Variants in GBE1 observed in about 807,000 individuals in gnomAD.
The protein encoded by GBE1 is 1,4-alpha-glucan branching enzyme 1.
Under a neutral mutation model 88.8 loss-of-function variants are expected in GBE1, and 70 were observed. The observed-to-expected ratio is 0.79, with a 90% CI of 0.65 to 0.96. The LOEUF is 0.96. Among genes scored for constraint, GBE1 ranks in the 40% least tolerant of loss-of-function variants. The pLI, the probability that GBE1 is intolerant of heterozygous loss-of-function variation, is 0.00. For synonymous variants in GBE1, 284 were observed against 300.1 expected, an observed-to-expected ratio of 0.95 and a Z score of 0.56; for missense variants, 872 against 871.0, an observed-to-expected ratio of 1.00 and a Z score of -0.01.
At chr3:81,621,924 T>C (rs1285066520) in intron 7 of GBE1, among the ~76,000 whole-genome samples, 1 of 152,142 alleles carries the variant, frequency 6.6e-6, no homozygotes, top group East Asian at 1.9e-4. Flanking sequence ...TCTACCTCTT[T>C]CCCTGCAAAA....
chr3:81,683,852 G>A (rs1328842605), intron 2 of GBE1, among the ~76,000 whole-genome samples: 1 of 152,088 alleles, frequency 6.6e-6, no homozygotes, highest in African/African-American at 2.4e-5. Flanking sequence ...TGAGGAAGGA[G>A]AGCTGTGAAC....
intron 14 of GBE1, among the ~76,000 whole-genome samples, chr3:81,524,126 A>T (rs2106850758): frequency 6.6e-6 from 1 of 151,934 alleles, no homozygotes; most frequent in Non-Finnish European, 1.5e-5. Context: ...ACAGTGTATG[A>T]GGGTTCTACT....
rs922644582 is a variant in GBE1 at position 81,619,889 on chromosome 3, C to T, written c.992+22892G>A. 6.6e-4 allele frequency among the ~76,000 whole-genome samples: 101 copies of T among 151,952 alleles called. 1 individual carries two copies. The highest frequency in any genetic ancestry group is 2.1e-4 in the Non-Finnish European group (14 of 67,936). ...ATTTAAAATGAAGTTTTTCTTTTTA[C>T]CTTTTTTTGTAGATCTCTTAGAGTA... On this transcript the variant is annotated intron_variant, in intron 7 of 15. Transcript: ENST00000429644.
chr3:81,584,334 ATATACATTC>A (rs1456409168), intron 10 of GBE1, among the ~76,000 whole-genome samples: 1 of 152,098 alleles, frequency 6.6e-6, no homozygotes, highest in Admixed American at 6.6e-5. Flanking sequence ...ATCACAGGCC[ATATACATTC>A]TGAGTACAGT....
chr3:81,571,871 C>T (rs1576154031), intron 12 of GBE1, among the ~76,000 whole-genome samples: 1 of 152,078 alleles, frequency 6.6e-6, no homozygotes, highest in East Asian at 1.9e-4. Context: ...AAAAAAGATT[C>T]CAGTACCCAT....
intron 15 of GBE1, among the ~76,000 whole-genome samples, chr3:81,496,882 C>T (rs1484437605): frequency 6.6e-6 from 1 of 152,146 alleles, no homozygotes; most frequent in African/African-American, 2.4e-5. Context: ...ATTCCTGAAG[C>T]ACTGTAGTCA....
chr3:81,734,401 C>A (rs1196654087), intron 1 of GBE1, among the ~76,000 whole-genome samples: 2 of 150,542 alleles, frequency 1.3e-5, no homozygotes, highest in Non-Finnish European at 2.9e-5. Flanking sequence ...TAATTAAACA[C>A]AAGTCATTTG....
rs1295462831 is a variant in GBE1, at chr3:81,671,014, C to T, written c.314-61G>A. ...GATAGGACTAATAGTTAATGAATTTCAAGAAAAACAAAATACTGCTTTACT... is the reference window on the plus strand; with the variant it reads ...GATAGGACTAATAGTTAATGAATTTTAAGAAAAACAAAATACTGCTTTACT... On this transcript the variant is annotated intron_variant, in intron 2 of 15. Transcript: ENST00000429644. 4 of 697,404 alleles carry T rather than the reference C, an allele frequency of 5.7e-6. No homozygotes were observed. The East Asian group carries it at 1.3e-4, about 23-fold the overall frequency. 43.2% of individuals were successfully genotyped at this position (697,404 alleles called of 1,614,324 possible). A position where few individuals can be genotyped will look rare whatever the true frequency, so the allele number is the denominator to read the frequency against.
intron 1 of GBE1, among the ~76,000 whole-genome samples, chr3:81,720,362 G>A (rs3772894): frequency 0.29 from 41,347 of 142,168 alleles, 5,935 homozygotes; most frequent in East Asian, 0.41. Flanking sequence ...GTGTGTGTGT[G>A]TATATATATA....
At chr3:81,699,565 G>A (rs1386906851) in intron 2 of GBE1, among the ~76,000 whole-genome samples, 1 of 152,106 alleles carries the variant, frequency 6.6e-6, no homozygotes, top group Non-Finnish European at 1.5e-5. Flanking sequence ...GAGGAGCAAG[G>A]AGAGCCACTC....
chr3:81,614,134 C>A lies in GBE1; in HGVS notation c.993-20111G>T, dbSNP rs113416211. Among the ~76,000 whole-genome samples, 1,429 of 152,274 alleles carry A rather than the reference C, an allele frequency of 9.4e-3. 19 individuals carry two copies. Among genetic ancestry groups the A allele is most frequent in the African/African-American group, 0.031 (1,289 of 41,550 alleles). On this transcript the variant is annotated intron_variant, in intron 7 of 15. Coordinates refer to ENST00000429644, the MANE Select transcript of GBE1 (RefSeq NM_000158.4). Reference sequence around the variant, plus strand: ...GGGTCAAGTGATCCTCCTGCCTCAGCCTCCCAAGTAGTTGGGACTACAGGT... The same window carrying A: ...GGGTCAAGTGATCCTCCTGCCTCAGACTCCCAAGTAGTTGGGACTACAGGT...
intron 1 of GBE1, among the ~76,000 whole-genome samples, chr3:81,737,413 T>TTATATATATATATATTTATA (rs796117592): frequency 2.0e-5 from 1 of 49,446 alleles, no homozygotes; most frequent in African/African-American, 5.8e-5. Context: ...TTTTATATAT[T>TTATATATATATATATTTATA]TATATAAATA....
intron 3 of GBE1, among the ~76,000 whole-genome samples, chr3:81,662,668 A>G (rs1405286497): frequency 6.6e-6 from 1 of 151,818 alleles, no homozygotes; most frequent in African/African-American, 2.4e-5. Context: ...TTTGTAAAAA[A>G]AAAAAAAAAG....
intron 2 of GBE1, among the ~76,000 whole-genome samples, chr3:81,682,275 C>A (rs1190613197): frequency 1.3e-5 from 2 of 151,942 alleles, no homozygotes; most frequent in Non-Finnish European, 2.9e-5. Context: ...CCACCCTGGG[C>A]AACATAACAA....
intron 2 of GBE1, among the ~76,000 whole-genome samples, chr3:81,696,171 G>C (rs953317950): frequency 3.9e-5 from 6 of 152,102 alleles, no homozygotes; most frequent in South Asian, 2.1e-4. Context: ...GAAATGAAGA[G>C]AGAGCTACAG....
chr3:81,740,888 G>A (rs1371582772), intron 1 of GBE1, among the ~76,000 whole-genome samples: 1 of 152,032 alleles, frequency 6.6e-6, no homozygotes, highest in Non-Finnish European at 1.5e-5. Flanking sequence ...ACTGAACTGA[G>A]GTCCAGACCA....
rs114213973 is a variant in GBE1 at position 81,517,794 on chromosome 3, A to G, written c.1934+17401T>C. On this transcript the variant is annotated intron_variant, in intron 14 of 15. Transcript: ENST00000429644. ...ATCATTTTAGTACTATTTGTCTTTTAATTACATAATTTTAAACCTTCAGGA... is the reference window on the plus strand; with the variant it reads ...ATCATTTTAGTACTATTTGTCTTTTGATTACATAATTTTAAACCTTCAGGA... Among the ~76,000 whole-genome samples the G allele has an allele frequency of 9.9e-3, 1,504 of 151,446 alleles. 8 individuals carry two copies. The highest frequency in any genetic ancestry group is 0.016 in the Non-Finnish European group (1,110 of 67,558).
At chr3:81,589,075 T>C (rs1267259634) in intron 9 of GBE1, among the ~76,000 whole-genome samples, 1 of 152,122 alleles carries the variant, frequency 6.6e-6, no homozygotes, top group Non-Finnish European at 1.5e-5. Flanking sequence ...AAAATAAACA[T>C]ACTCTAAATA....
intron 1 of GBE1, among the ~76,000 whole-genome samples, chr3:81,724,485 TA>T (rs1248886811): frequency 1.3e-5 from 2 of 152,044 alleles, no homozygotes; most frequent in Non-Finnish European, 2.9e-5. Flanking sequence ...TTCTAGTCAA[TA>T]AAAAGAATCA....
Sources: gnomAD v4.1 joint callset for allele counts (sites outside exome capture counted in the v4.1 genomes callset) on GRCh38, gnomAD v4.1.1 for gene constraint, MANE v1.5 for transcripts, NCBI Gene and HGNC (gene_info 2026-07-23, HGNC 2026-07-21) for gene names.